The following NLRP14 variants were observed in gnomAD, a reference collection of about 807,000 sequenced individuals.
NLRP14 encodes the protein NLR family pyrin domain containing 14.
In NLRP14, 105 loss-of-function variants were observed where a neutral mutation model predicts 94.7. That is an observed-to-expected ratio of 1.11 (90% confidence interval 0.95 to 1.30). NLRP14 has a LOEUF of 1.30. Among genes scored for constraint, NLRP14 ranks in the 50% most tolerant of loss-of-function variants. The probability of loss-of-function intolerance (pLI) is 0.00; values close to 1 mark genes in which losing one functional copy is unlikely to be tolerated. For synonymous variants in NLRP14, 508 were observed against 459.9 expected, an observed-to-expected ratio of 1.10 and a Z score of -1.34; for missense variants, 1,362 against 1,254.1, an observed-to-expected ratio of 1.09 and a Z score of -1.30.
intron 1 of NLRP14, among the ~76,000 whole-genome samples, chr11:7,028,950 G>A (rs1043862369): frequency 6.6e-6 from 1 of 152,124 alleles, no homozygotes; most frequent in Non-Finnish European, 1.5e-5. Context: ...TATTTATTGG[G>A]TGAGAGTAAA....
intron 9 of NLRP14, among the ~76,000 whole-genome samples, chr11:7,060,392 A>G (rs1056911240): frequency 2.0e-5 from 3 of 151,932 alleles, no homozygotes; most frequent in Non-Finnish European, 4.4e-5. Context: ...ATTGTTCTCT[A>G]CTAGTTTTTC....
Position 7,039,732 on chromosome 11 carries a change from G to A in NLRP14, c.308G>A (p.Gly103Glu), listed in dbSNP as rs1399346375. The A allele has an allele frequency of 6.2e-7, 1 of 1,613,868 alleles. No individual in the cohort carries two copies. The highest frequency in any genetic ancestry group is 8.5e-7 in the Non-Finnish European group (1 of 1,179,892). Residue 103 changes from glycine to glutamate, a missense_variant, in exon 3 of 12, where the codon GGA becomes GAA. Gly to Glu is a moderately conservative substitution (Grantham distance 98). Transcript: ENST00000299481. Reference sequence around the variant, plus strand: ...GTTGCAGGGTCGGCCCAGACTATAGGACCAGATGATGCCAAGGCTGGAGAG... The same window carrying A: ...GTTGCAGGGTCGGCCCAGACTATAGAACCAGATGATGCCAAGGCTGGAGAG... ...EEINWSAQTI[G>E]PDDAKAGETQ...
At chr11:7,055,563 C>T (rs565480322) in intron 6 of NLRP14, among the ~76,000 whole-genome samples, 2 of 152,062 alleles carry the variant, frequency 1.3e-5, no homozygotes, top group South Asian at 2.1e-4. Context: ...GAGGAATAGC[C>T]CCTTTTTCAG....
chr11:7,023,670 G>T (rs770923112), intron 1 of NLRP14, among the ~76,000 whole-genome samples: 30 of 151,782 alleles, frequency 2.0e-4, no homozygotes, highest in Non-Finnish European at 2.9e-4. Flanking sequence ...CTTGAGACTG[G>T]ATAATTTATA....
chr11:7,089,457 G>C, the NLRP14 span: 3 of 1,336,090 alleles, frequency 2.2e-6, no homozygotes, highest in Non-Finnish European at 2.9e-6. Flanking sequence ...CGGAACCCGC[G>C]GGGGTGGCGG....
At chr11:7,057,987 C>T in intron 7 of NLRP14, 140 bp downstream of exon 7, 1 of 750,212 alleles carries the variant, frequency 1.3e-6, no homozygotes, top group Non-Finnish European at 2.4e-6. Flanking sequence ...ACATGCATCC[C>T]CCTTCTCTTC....
At chr11:7,081,742 C>A in the NLRP14 span, among the ~76,000 whole-genome samples, 1 of 152,190 alleles carries the variant, frequency 6.6e-6, no homozygotes, top group South Asian at 2.1e-4. Context: ...GCCACCCTCC[C>A]AGCACATCCA....
chr11:7,070,756 A>G (rs1852782064), intron 11 of NLRP14, among the ~76,000 whole-genome samples: 1 of 152,188 alleles, frequency 6.6e-6, no homozygotes, highest in Non-Finnish European at 1.5e-5. Flanking sequence ...TATGAGTAAA[A>G]TGGGTGAAAT....
rs1852551892 is a variant in NLRP14 at position 7,058,336 on chromosome 11, T to G, written c.2519T>G (p.Ile840Ser). The change falls in exon 8 of 12, where the codon ATC becomes AGC. Residue 840 changes from isoleucine (I) to serine (S), a missense_variant. Ile to Ser is a moderately radical substitution (Grantham distance 142). Coordinates refer to ENST00000299481, the MANE Select transcript of NLRP14 (RefSeq NM_176822.4). ...AGCEYLSLAL[I>S]SNKRLTHLCL... Reference sequence around the variant, plus strand: ...TGTGAGTATCTTTCTTTGGCTCTCATCAGCAATAAAAGACTGACACATTTG... The same window carrying G: ...TGTGAGTATCTTTCTTTGGCTCTCAGCAGCAATAAAAGACTGACACATTTG... 6.2e-7 allele frequency: 1 copy of G among 1,612,658 alleles called. No homozygotes were observed. Among genetic ancestry groups the G allele is most frequent in the Non-Finnish European group, 8.5e-7 (1 of 1,179,002 alleles).
chr11:7,071,064 T>C lies in NLRP14; in HGVS notation c.3147-109T>C, dbSNP rs199475891. 244 of 1,252,130 alleles carry C rather than the reference T, an allele frequency of 1.9e-4. No individual in the cohort carries two copies. The highest frequency in any genetic ancestry group is 2.6e-4 in the Non-Finnish European group (225 of 870,398). 77.6% of individuals were successfully genotyped at this position (1,252,130 alleles called of 1,614,324 possible). ...CACCCATGTTATAATATTATCTCTCTATTTTAACAGAACAGTTTTTTTTCT... is the reference window on the plus strand; with the variant it reads ...CACCCATGTTATAATATTATCTCTCCATTTTAACAGAACAGTTTTTTTTCT... On this transcript the variant is annotated intron_variant, in intron 11 of 11. Coordinates refer to ENST00000299481, the MANE Select transcript of NLRP14 (RefSeq NM_176822.4).
chr11:7,031,084 G>A (rs1210789195), intron 1 of NLRP14, among the ~76,000 whole-genome samples: 1 of 152,198 alleles, frequency 6.6e-6, no homozygotes, highest in Admixed American at 6.5e-5. Context: ...TCTCTCAGGG[G>A]AGGAGGAAGG....
At chr11:7,074,785 T>C (rs1389497929), downstream of NLRP14, among the ~76,000 whole-genome samples, 1 of 152,200 alleles carries the variant, frequency 6.6e-6, no homozygotes. Flanking sequence ...GTTTTTTCTG[T>C]AGCGGATCTG....
chr11:7,044,852 A>G (rs1852326279), intron 4 of NLRP14, among the ~76,000 whole-genome samples: 1 of 152,210 alleles, frequency 6.6e-6, no homozygotes, highest in Admixed American at 6.5e-5. Context: ...ATATACCTAG[A>G]AAATTTATTG....
chr11:7,076,641 A>T, the NLRP14 span, among the ~76,000 whole-genome samples: 5 of 151,718 alleles, frequency 3.3e-5, no homozygotes, highest in South Asian at 4.2e-4. Flanking sequence ...TCTATCTTAT[A>T]TATCATCATC....
Position 7,070,310 on chromosome 11 carries a change from T to C in NLRP14, c.3000T>C (p.Ser1000=), listed in dbSNP as rs1852772046. 1.2e-6 allele frequency: 2 copies of C among 1,611,792 alleles called. No individual in the cohort carries two copies. Among genetic ancestry groups the C allele is most frequent in the Admixed American group, 1.7e-5 (1 of 60,002 alleles). The change falls in exon 11 of 12, where the codon TCT becomes TCC. Residue 1000 remains serine, a synonymous_variant. Transcript: ENST00000299481. ...GGTTGGAATACTGTGGTTTGACATCTCTCTGCTGTCAAGATCTCTCCTCTG... is the reference window on the plus strand; with the variant it reads ...GGTTGGAATACTGTGGTTTGACATCCCTCTGCTGTCAAGATCTCTCCTCTG... The part of the protein sequence containing the change: ...RLGLEYCGLT[S]LCCQDLSSAL...
At chr11:7,039,871 C>A (rs922616399) in intron 3 of NLRP14, 86 bp downstream of exon 3, 1 of 1,072,518 alleles carries the variant, frequency 9.3e-7, no homozygotes, top group South Asian at 1.3e-5. Flanking sequence ...GACTTTTGTT[C>A]AAATCTTGTT....
chr11:7,057,592 A>G, intron 6 of NLRP14, 85 bp from the exon 7 acceptor site: 1 of 1,306,338 alleles, frequency 7.7e-7, no homozygotes, highest in Non-Finnish European at 1.1e-6. Flanking sequence ...AGATTAGGAA[A>G]CTTCCTACCT....
the NLRP14 span, among the ~76,000 whole-genome samples, chr11:7,086,693 C>G: frequency 1.3e-5 from 2 of 152,016 alleles, no homozygotes; most frequent in Non-Finnish European, 2.9e-5. Context: ...TGATCTTGAT[C>G]CTATCATTTT....
At chr11:7,080,756 G>A in the NLRP14 span, among the ~76,000 whole-genome samples, 6 of 152,194 alleles carry the variant, frequency 3.9e-5, no homozygotes, top group Non-Finnish European at 8.8e-5. Context: ...AAGAGATAGC[G>A]TAAGACTTAA....
Sources: gnomAD v4.1 joint callset for allele counts (sites outside exome capture counted in the v4.1 genomes callset) on GRCh38, gnomAD v4.1.1 for gene constraint, MANE v1.5 for transcripts, NCBI Gene and HGNC (gene_info 2026-07-23, HGNC 2026-07-21) for gene names.